Variants in LAMB1 observed in about 807,000 individuals in gnomAD.
LAMB1 encodes the protein laminin subunit beta-1.
In LAMB1, 121 loss-of-function variants were observed where a neutral mutation model predicts 222.3. That is an observed-to-expected ratio of 0.54 (90% CI 0.47 to 0.63). The LOEUF (loss-of-function observed/expected upper bound fraction) is 0.63, where lower values mean the gene tolerates loss of function less well. Among genes scored for constraint, LAMB1 ranks in the 30% least tolerant of loss-of-function variants. The pLI is 0.00. For synonymous variants in LAMB1, 794 were observed against 807.2 expected (o/e 0.98, Z 0.28); for missense variants, 2,172 against 2,240.8 (o/e 0.97, Z 0.62).
intron 9 of LAMB1, 60 bp from the exon 10 acceptor site, chr7:107,975,937 G>T: frequency 6.9e-7 from 1 of 1,447,532 alleles, no homozygotes. Context: ...ATGGAGGATG[G>T]GGGTGGCAGG....
intron 4 of LAMB1, among the ~76,000 whole-genome samples, chr7:107,995,608 G>A (rs1396938905): frequency 6.6e-6 from 1 of 152,126 alleles, no homozygotes; most frequent in East Asian, 1.9e-4. Flanking sequence ...CTCTTTCAGG[G>A]GAAAGCCTGA....
In LAMB1 at chr7:107,931,450, G is replaced by A; in HGVS notation, c.4443C>T (p.Asp1481=). 3 of 1,613,584 alleles carry A rather than the reference G, an allele frequency of 1.9e-6. No individual in the cohort carries two copies. The highest frequency in any genetic ancestry group is 1.1e-5 in the South Asian group (1 of 91,070). Residue 1481 remains aspartate (D), a synonymous_variant, in exon 29 of 34, where the codon GAC becomes GAT. Coordinates refer to ENST00000222399, the MANE Select transcript of LAMB1 (RefSeq NM_002291.3). ...RADEAKQSAE[D]ILLKTNATKE... ...TGGTAGCATTTGTCTTCAACAGAAT[G>A]TCTTCAGCACTTTGTTTTGCCTCAT... is the stretch of plus-strand genomic sequence containing the variant.
chr7:107,964,432 T>C, intron 14 of LAMB1, 120 bp downstream of exon 14: 1 of 1,172,964 alleles, frequency 8.5e-7, no homozygotes. Context: ...CTGATCCTTA[T>C]TTTGTGCTCA....
chr7:107,926,357 A>C lies in LAMB1; in HGVS notation c.4890T>G (p.Ile1630Met), dbSNP rs113538378. 1 of 1,612,522 alleles carries C rather than the reference A, an allele frequency of 6.2e-7. No individual in the cohort carries two copies. The highest frequency in any genetic ancestry group is 8.5e-7 in the Non-Finnish European group (1 of 1,178,918). Reference protein sequence around the residue: ...IQGTQNLLTSIESETAASEET... With the variant: ...IQGTQNLLTSMESETAASEET... ...CCTCAGAAGCTGCTGTTTCAGACTC[A>C]ATCTAAAAGCATGTCAATTTTCCAG... Residue 1630 changes from isoleucine to methionine, a missense_variant and splice_region_variant, in exon 32 of 34, where the codon ATT becomes ATG. Ile to Met is a conservative substitution (Grantham distance 10). Coordinates refer to ENST00000222399, the MANE Select transcript of LAMB1 (RefSeq NM_002291.3).
rs200599445 is a variant in LAMB1, at chr7:107,935,347, GTT to G, written c.4188+66_4188+67del. ...GACAAAAGATGGTTTGTTTTTCTTT[GTT>G]TTTTTTTTTTTTTTTTTTTTTTTTG... is the stretch of plus-strand genomic sequence containing the variant. On this transcript the variant is annotated intron_variant, in intron 27 of 33. Transcript: ENST00000222399. 2.5e-3 allele frequency: 2,941 copies of G among 1,170,044 alleles called. 1 individual carries two copies. The highest frequency in any genetic ancestry group is 8.4e-3 in the African/African-American group (349 of 41,354). The allele number at this position is 1,170,044 out of a possible 1,614,324, so 72.5% of individuals were successfully genotyped here.
rs536239161 is a variant in LAMB1, at chr7:107,931,811, G to A, written c.4393-311C>T. The A allele has an allele frequency of 4.9e-5, 23 of 470,928 alleles. No individual in the cohort carries two copies. The East Asian group carries it at 6.5e-4, about 13-fold the overall frequency. 29.2% of individuals were successfully genotyped at this position (470,928 alleles called of 1,614,324 possible). A position where few individuals can be genotyped will look rare whatever the true frequency, so the allele number is the denominator to read the frequency against. On this transcript the variant is annotated intron_variant, in intron 28 of 33. Coordinates refer to ENST00000222399, the MANE Select transcript of LAMB1 (RefSeq NM_002291.3). ...GTGCCCACATAAATACTTAAAAAGTGTGTGTCACTTTAGAAGAATAAATGC... is the reference window on the plus strand; with the variant it reads ...GTGCCCACATAAATACTTAAAAAGTATGTGTCACTTTAGAAGAATAAATGC...
At position 107,973,061 on chromosome 7, in the gene LAMB1, C is replaced by T. The variant is rs750002267; in HGVS notation, c.1493G>A (p.Trp498Ter). 2 of 1,613,792 alleles carry T rather than the reference C, an allele frequency of 1.2e-6. No homozygotes were observed. The highest frequency in any genetic ancestry group is 1.7e-6 in the Non-Finnish European group (2 of 1,179,750). Residue 498 changes from tryptophan to a stop codon, truncating the protein, a stop_gained, in exon 13 of 34, where the codon TGG (tryptophan) becomes TAG (stop). Coordinates refer to ENST00000222399, the MANE Select transcript of LAMB1 (RefSeq NM_002291.3). LOFTEE classifies it high-confidence loss of function. ...QHCDQCLPEHWGLSNDLDGCR... is the reference protein window; with the variant it reads ...QHCDQCLPEH ...TCCATCCAAATCATTGCTTAAGCCC[C>T]AGTGCTCTGGCTGCAGAACAAAACG...
intron 13 of LAMB1, among the ~76,000 whole-genome samples, chr7:107,966,750 A>G (rs1415737776): frequency 2.0e-5 from 3 of 152,334 alleles, no homozygotes; most frequent in African/African-American, 7.2e-5. Flanking sequence ...ACATGCAACC[A>G]TTAGAGAACG....
chr7:107,936,964 G>A (rs1257061231), intron 26 of LAMB1, 129 bp downstream of exon 26: 5 of 729,470 alleles, frequency 6.9e-6, no homozygotes, highest in Admixed American at 2.9e-5. Flanking sequence ...ATTTGTGCCA[G>A]AAACTGGATG....
intron 24 of LAMB1, among the ~76,000 whole-genome samples, chr7:107,947,452 T>C (rs2033142214): frequency 6.6e-6 from 1 of 152,230 alleles, no homozygotes; most frequent in Admixed American, 6.5e-5. Flanking sequence ...TGACACCTCT[T>C]CTTGTCCCTG....
At chr7:107,932,141 C>T in intron 28 of LAMB1, 33 bp downstream of exon 28, 2 of 1,598,092 alleles carry the variant, frequency 1.3e-6, no homozygotes, top group African/African-American at 1.3e-5. Context: ...AGCAAACATA[C>T]ATAACAAAAA....
intron 5 of LAMB1, among the ~76,000 whole-genome samples, chr7:107,988,385 G>A (rs78321002): frequency 0.037 from 5,577 of 152,214 alleles, 122 homozygotes; most frequent in African/African-American, 0.039. Context: ...CTTGAAACAT[G>A]AATTTGGGAG....
At chr7:107,965,125 G>C (rs2033604822) in intron 13 of LAMB1, among the ~76,000 whole-genome samples, 2 of 152,156 alleles carry the variant, frequency 1.3e-5, no homozygotes, top group Non-Finnish European at 2.9e-5. Flanking sequence ...TCTCTATCAG[G>C]GTGAAGGCAC....
At chr7:108,001,961 C>A in intron 2 of LAMB1, 1 of 1,452,430 alleles carries the variant, frequency 6.9e-7, no homozygotes, top group South Asian at 1.5e-5. Context: ...GTCATCAGGT[C>A]TGTCCAGCAG....
intron 7 of LAMB1, among the ~76,000 whole-genome samples, chr7:107,983,351 T>A (rs2034010682): frequency 6.6e-6 from 1 of 152,150 alleles, no homozygotes. Context: ...TCTACTCAAC[T>A]GGTTGCACCT....
chr7:107,953,943 A>G (rs2033318174), intron 21 of LAMB1, among the ~76,000 whole-genome samples, 189 bp from the exon 22 acceptor site: 1 of 152,298 alleles, frequency 6.6e-6, no homozygotes, highest in South Asian at 2.1e-4. Flanking sequence ...GGAAGGCAGT[A>G]TTACTTTCAG....
At chr7:107,968,864 T>C (rs1415156748) in intron 13 of LAMB1, among the ~76,000 whole-genome samples, 3 of 152,132 alleles carry the variant, frequency 2.0e-5, no homozygotes, top group African/African-American at 7.2e-5. Context: ...ATTTGACACA[T>C]AGAACTGGAA....
rs747799762 is a variant in LAMB1 at position 108,001,743 on chromosome 7, G to C, written c.38-10C>G. 1 of 1,612,276 alleles carries C rather than the reference G, an allele frequency of 6.2e-7. No homozygotes were observed. Among genetic ancestry groups the C allele is most frequent in the Non-Finnish European group, 8.5e-7 (1 of 1,179,540 alleles). ...CGGGCTCTGCACAGGGCTGCGGGAA[G>C]GACAGGCAACAGAGTTGGGGGGACA... On this transcript the variant is annotated splice_polypyrimidine_tract_variant and intron_variant, in intron 2 of 33. Coordinates refer to ENST00000222399, the MANE Select transcript of LAMB1 (RefSeq NM_002291.3).
chr7:107,962,476 G>A (rs2033526954), intron 15 of LAMB1, among the ~76,000 whole-genome samples: 1 of 152,212 alleles, frequency 6.6e-6, no homozygotes, highest in African/African-American at 2.4e-5. Flanking sequence ...CACTTTGGGA[G>A]GCTGAGGCGG....
Sources: allele counts gnomAD v4.1 joint callset (sites outside exome capture counted in the v4.1 genomes callset), GRCh38; gene constraint gnomAD v4.1.1; transcripts MANE v1.5; gene names NCBI Gene and HGNC (gene_info 2026-07-23, HGNC 2026-07-21).